Variants in CACNA1C observed in about 807,000 individuals in gnomAD.
CACNA1C encodes voltage-dependent L-type calcium channel subunit alpha-1C.
In CACNA1C, 30 loss-of-function variants were observed where a neutral mutation model predicts 229.0. The observed-to-expected ratio is 0.13, with a 90% CI of 0.10 to 0.18. CACNA1C has a LOEUF of 0.18. CACNA1C is among the 10% of genes least tolerant of loss of function. The probability of loss-of-function intolerance (pLI) is 1.00; values close to 1 mark genes in which losing one functional copy is unlikely to be tolerated. For missense variants in CACNA1C, 1,658 were observed against 2,845.0 expected (o/e 0.58, Z 9.49); for synonymous variants, 1,114 against 1,132.5 (o/e 0.98, Z 0.33).
chr12:2,513,939 CTG>C (rs777425279), intron 9 of CACNA1C, among the ~76,000 whole-genome samples: 2 of 152,206 alleles, frequency 1.3e-5, no homozygotes, highest in Admixed American at 6.5e-5. Flanking sequence ...GCCTTGATCT[CTG>C]TGACTCGAAT....
chr12:2,558,550 C>T (rs774039276), intron 11 of CACNA1C, among the ~76,000 whole-genome samples: 8 of 152,218 alleles, frequency 5.3e-5, no homozygotes, highest in Non-Finnish European at 1.2e-4. Flanking sequence ...CTATGACAGG[C>T]TCATTGGCCT....
At position 2,597,323 on chromosome 12, in the gene CACNA1C, C is replaced by A; in HGVS notation, c.2853+34C>A. ...CCCATCCCCTTCTGCTCCTCCTGTC[C>A]CCCTTGTGCCAGCACCAGGTCTCTG... On this transcript the variant is annotated intron_variant, in intron 21 of 46. Transcript: ENST00000399655. This position sits in a 1 kb window ranked among gnomAD's most constrained non-coding sequence, Gnocchi z 4.3. 1 of 1,554,416 alleles carries A rather than the reference C, an allele frequency of 6.4e-7. No homozygotes were observed.
At chr12:1,999,496 G>A (rs1027126475) in intron 1 of CACNA1C, among the ~76,000 whole-genome samples, 3 of 152,136 alleles carry the variant, frequency 2.0e-5, no homozygotes, top group Admixed American at 6.5e-5. Context: ...CAGGAGGATC[G>A]CTTGTGGCCA....
chr12:2,682,279 G>A (rs1271208011), intron 42 of CACNA1C, among the ~76,000 whole-genome samples: 2 of 151,170 alleles, frequency 1.3e-5, no homozygotes, highest in Admixed American at 6.7e-5. Flanking sequence ...TGGACCAGAG[G>A]GTAAGTGGAT....
intron 13 of CACNA1C, among the ~76,000 whole-genome samples, chr12:2,570,907 C>T (rs1263243409): frequency 6.6e-6 from 1 of 152,180 alleles, no homozygotes; most frequent in Admixed American, 6.5e-5. Flanking sequence ...TCTCTGACCC[C>T]ATCGAAAGAG....
At chr12:2,210,903 G>C (rs530562685) in intron 3 of CACNA1C, among the ~76,000 whole-genome samples, 48 of 152,088 alleles carry the variant, frequency 3.2e-4, no homozygotes, top group Non-Finnish European at 6.5e-4. Context: ...GCTATAACTG[G>C]TATTTTGTGC....
At chr12:2,062,074 C>G (rs1016738531) in intron 1 of CACNA1C, among the ~76,000 whole-genome samples, 1 of 152,154 alleles carries the variant, frequency 6.6e-6, no homozygotes, top group African/African-American at 2.4e-5. Context: ...TTCGCACTTT[C>G]GCATTTGTTT....
intron 11 of CACNA1C, among the ~76,000 whole-genome samples, chr12:2,559,043 T>C (rs1266335001): frequency 6.6e-6 from 1 of 152,114 alleles, no homozygotes; most frequent in Non-Finnish European, 1.5e-5. Context: ...CTAATAAATA[T>C]TTGCTGGGTG....
rs143598330 is a variant in CACNA1C at position 2,058,042 on chromosome 12, C to G, written c.49+4431C>G. 8.5e-3 allele frequency among the ~76,000 whole-genome samples: 1,295 copies of G among 152,280 alleles called. 18 individuals carry two copies. The highest frequency in any genetic ancestry group is 0.03 in the African/African-American group (1,237 of 41,546). The stretch of plus-strand genomic sequence containing the variant: ...GTAATGGCAGAAAAGCTCAGGAGAC[C>G]CAGGTTAGGAAGTAACTGAGATTTG... On this transcript the variant is annotated intron_variant, in intron 1 of 46. Coordinates refer to ENST00000399655, the MANE Select transcript of CACNA1C (RefSeq NM_000719.7).
rs534949603 is a variant in CACNA1C at position 2,682,470 on chromosome 12, G to A, written c.5445-80G>A. ...CGTGTGTACACCTGCATGTGTGTGC[G>A]TGTGTGATGCTTTACTTGCTGAAGG... On this transcript the variant is annotated intron_variant, in intron 42 of 46. Coordinates refer to ENST00000399655, the MANE Select transcript of CACNA1C (RefSeq NM_000719.7). 1,050 of 1,513,674 alleles carry A rather than the reference G, an allele frequency of 6.9e-4. 3 individuals carry two copies. The highest frequency in any genetic ancestry group is 5.8e-3 in the Middle Eastern group (34 of 5,882). 93.8% of individuals were successfully genotyped at this position (1,513,674 alleles called of 1,614,324 possible).
At chr12:2,093,824 GTGCCTAGTGCCTGCAGTTGCAGGC>G (rs1201249703) in intron 1 of CACNA1C, among the ~76,000 whole-genome samples, 2 of 152,202 alleles carry the variant, frequency 1.3e-5, no homozygotes, top group Non-Finnish European at 2.9e-5. Flanking sequence ...ATGACACTCA[GTGCCTAGTGCCTGCAGTTGCAGGC>G]TGCCAGGGGA....
chr12:2,412,545 G>A (rs1015186502), intron 3 of CACNA1C, among the ~76,000 whole-genome samples: 10 of 152,332 alleles, frequency 6.6e-5, no homozygotes, highest in South Asian at 2.1e-4. Context: ...TTTAGGGCTC[G>A]GGAGAAAGCA....
At chr12:2,409,590 C>A (rs2098782669) in intron 3 of CACNA1C, among the ~76,000 whole-genome samples, 1 of 152,238 alleles carries the variant, frequency 6.6e-6, no homozygotes, top group South Asian at 2.1e-4. Flanking sequence ...TTTTTGTTGG[C>A]AATTGTGCTT....
chr12:2,313,645 A>G (rs1316541392), intron 3 of CACNA1C, among the ~76,000 whole-genome samples: 1 of 152,144 alleles, frequency 6.6e-6, no homozygotes, highest in Non-Finnish European at 1.5e-5. Flanking sequence ...TCCTGACTTA[A>G]AAGCAGTGGA....
chr12:2,493,643 A>T lies in CACNA1C; in HGVS notation c.1113+257A>T, dbSNP rs1373617113. Among the ~76,000 whole-genome samples the T allele has an allele frequency of 6.6e-6, 1 of 152,068 alleles. No homozygotes were observed. The highest frequency in any genetic ancestry group is 2.4e-5 in the African/African-American group (1 of 41,398). The stretch of plus-strand genomic sequence containing the variant: ...TTTTCCAGTGCGTCCCACAGTGCAA[A>T]ACCCTGGTGTGCAGGCATGGATGAG... On this transcript the variant is annotated intron_variant, in intron 7 of 46. Transcript: ENST00000399655. The surrounding 1 kb of genome is among the most constrained non-coding windows in gnomAD (Gnocchi z 4.6).
chr12:1,971,230 TA>T lies in CACNA1C; in HGVS notation c.139+30del. ...AGAAACCCTAAAGTGAAATAAAGAG[TA>T]GGAAGAACATGTTGAAATTTACTCT... On this transcript the variant is annotated intron_variant, in intron 1 of 46. Coordinates refer to the CACNA1C transcript ENST00000682462. The surrounding 1 kb of genome is among the most constrained non-coding windows in gnomAD (Gnocchi z 4.2). 8.1e-7 allele frequency: 1 copy of T among 1,234,824 alleles called. No individual in the cohort carries two copies. The highest frequency in any genetic ancestry group is 1.3e-5 in the South Asian group (1 of 79,298). 76.5% of individuals were successfully genotyped at this position (1,234,824 alleles called of 1,614,324 possible).
intron 3 of CACNA1C, among the ~76,000 whole-genome samples, chr12:2,269,274 G>A (rs1451756718): frequency 6.6e-6 from 1 of 152,142 alleles, no homozygotes; most frequent in African/African-American, 2.4e-5. Flanking sequence ...TTTATAGACC[G>A]GCTGAAAGAA....
intron 13 of CACNA1C, among the ~76,000 whole-genome samples, chr12:2,580,152 G>A (rs1168628531): frequency 6.6e-6 from 1 of 152,218 alleles, no homozygotes; most frequent in Non-Finnish European, 1.5e-5. Flanking sequence ...CTATTTTGGT[G>A]AGACAAGACT....
chr12:2,526,911 G>A (rs1362487614), intron 9 of CACNA1C, among the ~76,000 whole-genome samples: 2 of 152,194 alleles, frequency 1.3e-5, no homozygotes, highest in African/African-American at 2.4e-5. Context: ...CTGCAGGGCC[G>A]AGCCACTGGA....
Sources: gnomAD v4.1 joint callset for allele counts (sites outside exome capture counted in the v4.1 genomes callset) on GRCh38, gnomAD v4.1.1 for gene constraint, Gnocchi (gnomAD v3.1) non-coding constraint, MANE v1.5 for transcripts, NCBI Gene and HGNC (gene_info 2026-07-23, HGNC 2026-07-21) for gene names.